Variants in BCL11A observed in about 807,000 individuals in gnomAD.
BCL11A encodes the protein BCL11 transcription factor A, also known as B cell CLL/lymphoma 11A.
A neutral mutation model predicts 55.9 loss-of-function variants in BCL11A; 2 were observed. The ratio of observed to expected loss-of-function variants is 0.04; its 90% CI spans 0.01 to 0.11. BCL11A has a LOEUF of 0.11. BCL11A is among the 10% of genes least tolerant of loss of function. The pLI is 1.00. For missense variants in BCL11A, 817 were observed against 1,137.1 expected, an observed-to-expected ratio of 0.72 and a Z score of 4.05; for synonymous variants, 465 against 473.4, an observed-to-expected ratio of 0.98 and a Z score of 0.23.
intron 2 of BCL11A, chr2:60,545,747 G>GTA (rs1412187428): frequency 3.7e-6 from 2 of 546,612 alleles, no homozygotes; most frequent in African/African-American, 3.8e-5. Context: ...TCTGATGTGT[G>GTA]TACCTATCCT....
chr2:60,459,614 G>C lies in BCL11A; in HGVS notation c.*790C>G, dbSNP rs1676121604. The stretch of plus-strand genomic sequence containing the variant: ...AAGGTTTATTACCTCACCCAATGCT[G>C]AATTAAGCTACAAGTTTATAACAAG... On this transcript the variant is annotated 3_prime_UTR_variant, in exon 4 of 4. Transcript: ENST00000642384. The C allele has an allele frequency of 9.7e-7, 1 of 1,029,746 alleles. No individual in the cohort carries two copies. The highest frequency in any genetic ancestry group is 6.2e-5 in the East Asian group (1 of 16,122). 63.8% of individuals were successfully genotyped at this position (1,029,746 alleles called of 1,614,324 possible). A position where few individuals can be genotyped will look rare whatever the true frequency, so the allele number is the denominator to read the frequency against.
In BCL11A at chr2:60,553,289, C is replaced by CG; in HGVS notation, c.-20dup. ...GAGACATGGTGGGCTGCGGGGCGGG[C>CG]GGCGGCGGCGGCGGCGGCGGCGGCG... On this transcript the variant is annotated 5_prime_UTR_variant, in exon 1 of 4. Coordinates refer to ENST00000642384, the MANE Select transcript of BCL11A (RefSeq NM_022893.4). The CG allele has an allele frequency of 1.8e-6, 2 of 1,108,202 alleles. No homozygotes were observed. Among genetic ancestry groups the CG allele is most frequent in the South Asian group, 2.6e-5 (1 of 38,466 alleles). The allele number at this position is 1,108,202 out of a possible 1,614,324, so 68.6% of individuals were successfully genotyped here.
intron 2 of BCL11A, among the ~76,000 whole-genome samples, chr2:60,494,272 G>A (rs1009890967): frequency 1.3e-5 from 2 of 152,166 alleles, no homozygotes; most frequent in Non-Finnish European, 2.9e-5. Flanking sequence ...ACGTGGGCTG[G>A]GAGCTGGGAG....
At chr2:60,529,716 T>G (rs942499106) in intron 2 of BCL11A, among the ~76,000 whole-genome samples, 14 of 152,348 alleles carry the variant, frequency 9.2e-5, no homozygotes, top group Admixed American at 8.5e-4. Context: ...GCCTCCCTTA[T>G]GAGGCCTAGC....
chr2:60,470,504 T>C (rs1042412262), intron 2 of BCL11A, among the ~76,000 whole-genome samples: 4 of 152,210 alleles, frequency 2.6e-5, no homozygotes, highest in Admixed American at 6.5e-5. Flanking sequence ...GGTATCTCTG[T>C]GATCCCAGCA....
At chr2:60,497,033 A>G (rs1037975386) in intron 2 of BCL11A, among the ~76,000 whole-genome samples, 5 of 152,240 alleles carry the variant, frequency 3.3e-5, no homozygotes, top group Non-Finnish European at 5.9e-5. Flanking sequence ...CATGGAAGGA[A>G]GCAAGATCTC....
chr2:60,510,252 C>T lies in BCL11A; in HGVS notation c.385+35719G>A, dbSNP rs985037210. ...GTCAGAGCCAAAAATCCCTGCTCTA[C>T]GTCCTTCAAGGAGCCAGCTGGTCTC... On this transcript the variant is annotated intron_variant, in intron 2 of 3. Transcript: ENST00000642384. Among the ~76,000 whole-genome samples, 11 of 152,294 alleles carry T rather than the reference C, an allele frequency of 7.2e-5. No homozygotes were observed. In the South Asian group the frequency reaches 1.5e-3, roughly 20 times the overall value.
chr2:60,483,091 A>T (rs1678051635), intron 2 of BCL11A, among the ~76,000 whole-genome samples: 1 of 152,234 alleles, frequency 6.6e-6, no homozygotes, highest in Non-Finnish European at 1.5e-5. Context: ...AGAATCAGGC[A>T]GTGTGATTTA....
chr2:60,463,145 C>T lies in BCL11A; in HGVS notation c.488-721G>A, dbSNP rs146668575. 2.4e-3 allele frequency among the ~76,000 whole-genome samples: 359 copies of T among 152,286 alleles called. 4 individuals are homozygous for T. Among genetic ancestry groups the T allele is most frequent in the South Asian group, 1.0e-3 (5 of 4,816 alleles). On this transcript the variant is annotated intron_variant, in intron 3 of 3. Transcript: ENST00000642384. ...TTGGTTCCACAACACCCCATGGGGA[C>T]GTCCATTTTTATCTCAAAGAATGTT... is the stretch of plus-strand genomic sequence containing the variant.
chr2:60,507,378 G>C (rs1679707563), intron 2 of BCL11A, among the ~76,000 whole-genome samples: 3 of 118,594 alleles, frequency 2.5e-5, no homozygotes, highest in African/African-American at 1.3e-4. Context: ...GGAAGGGAAG[G>C]GAGGGAGGGA....
At chr2:60,542,003 T>C (rs566559048) in intron 2 of BCL11A, 2 of 667,050 alleles carry the variant, frequency 3.0e-6, no homozygotes, top group African/African-American at 3.7e-5. Context: ...TTGTATTTGA[T>C]TTACTTTTAA....
intron 2 of BCL11A, among the ~76,000 whole-genome samples, chr2:60,506,014 C>A (rs190445126): frequency 4.4e-4 from 67 of 152,310 alleles, no homozygotes; most frequent in Non-Finnish European, 7.9e-4. Context: ...GTATGGGACA[C>A]CACACTAGGC....
Position 60,457,421 on chromosome 2 carries a change from T to C in BCL11A, c.*2983A>G, listed in dbSNP as rs1231239307. ...AAAGATCAAATTAAGTGCCTCTGTT[T>C]TGAACAGGGCACATAAGCAATAATA... is the stretch of plus-strand genomic sequence containing the variant. On this transcript the variant is annotated 3_prime_UTR_variant, in exon 4 of 4. Transcript: ENST00000642384. 1.9e-6 allele frequency: 2 copies of C among 1,033,886 alleles called. No homozygotes were observed. The highest frequency in any genetic ancestry group is 2.3e-6 in the Non-Finnish European group (2 of 857,522). The allele number at this position is 1,033,886 out of a possible 1,614,324, so 64.0% of individuals were successfully genotyped here.
At position 60,462,173 on chromosome 2, in the gene BCL11A, C is replaced by T; in HGVS notation, c.739G>A (p.Val247Ile). ...GCCAGGCCGGAAGCCTCTCTCGATA[C>T]TGATCCTGGTATTCTTAGCAGGTTA... is the stretch of plus-strand genomic sequence containing the variant. ...PFNLLRIPGS[V>I]SREASGLAEG... The change falls in exon 4 of 4, where the codon GTA becomes ATA. Residue 247 changes from valine to isoleucine, a missense_variant. This residue lies in a region of BCL11A where 363 missense variants were observed against 486.6 expected (regional missense o/e 0.75). Coordinates refer to ENST00000642384, the MANE Select transcript of BCL11A (RefSeq NM_022893.4). 1 of 1,586,986 alleles carries T rather than the reference C, an allele frequency of 6.3e-7. No homozygotes were observed. The highest frequency in any genetic ancestry group is 8.6e-7 in the Non-Finnish European group (1 of 1,166,874).
chr2:60,475,548 CA>C (rs1677546633), intron 2 of BCL11A, among the ~76,000 whole-genome samples: 1 of 152,210 alleles, frequency 6.6e-6, no homozygotes, highest in African/African-American at 2.4e-5. Context: ...GACACATTTT[CA>C]ACAAATGACT....
At position 60,457,527 on chromosome 2, in the gene BCL11A, C is replaced by A. The variant is rs1572944008; in HGVS notation, c.*2877G>T. On this transcript the variant is annotated 3_prime_UTR_variant, in exon 4 of 4. Transcript: ENST00000642384. ...TTACAGGAATAGAAAAGGCCAATAACAAAATATTCTGCATTGCCATTTACA... is the reference window on the plus strand; with the variant it reads ...TTACAGGAATAGAAAAGGCCAATAAAAAAATATTCTGCATTGCCATTTACA... The A allele has an allele frequency of 9.6e-7, 1 of 1,046,784 alleles. No individual in the cohort carries two copies. Among genetic ancestry groups the A allele is most frequent in the East Asian group, 5.6e-5 (1 of 17,922 alleles). The allele number at this position is 1,046,784 out of a possible 1,614,324, so 64.8% of individuals were successfully genotyped here.
intron 2 of BCL11A, chr2:60,541,787 G>A (rs1041428597): frequency 5.6e-5 from 32 of 572,160 alleles, no homozygotes; most frequent in Non-Finnish European, 8.5e-5. Context: ...ATTCACTTCA[G>A]AAGTCAGTCG....
chr2:60,489,382 C>T (rs901618751), intron 2 of BCL11A, among the ~76,000 whole-genome samples: 7 of 152,170 alleles, frequency 4.6e-5, no homozygotes, highest in African/African-American at 1.2e-4. Context: ...TAATTTCTGC[C>T]GCTGGAAGTT....
intron 2 of BCL11A, among the ~76,000 whole-genome samples, chr2:60,498,186 G>A (rs931166492): frequency 6.6e-6 from 1 of 151,866 alleles, no homozygotes; most frequent in African/African-American, 2.4e-5. Context: ...ATGTAGACGG[G>A]TGTGTGGCTC....
Sources: allele counts gnomAD v4.1 joint callset (sites outside exome capture counted in the v4.1 genomes callset), GRCh38; gene constraint gnomAD v4.1.1; regional missense constraint gnomAD v4.1.1; transcripts MANE v1.5; gene names NCBI Gene and HGNC (gene_info 2026-07-23, HGNC 2026-07-21).